The following NOMO1 variants were observed in gnomAD, a reference collection of about 807,000 sequenced individuals.
The protein encoded by NOMO1 is NODAL modulator 1, also known as nodal modulator 3.
NOMO1 carries 40 observed loss-of-function variants against 133.8 expected under a neutral mutation model. The observed-to-expected ratio is 0.30, with a 90% confidence interval of 0.23 to 0.39. The LOEUF (loss-of-function observed/expected upper bound fraction) is 0.39. Among genes scored for constraint, NOMO1 ranks in the 10% least tolerant of loss-of-function variants. The pLI is 1.00. For synonymous variants in NOMO1, 236 were observed against 570.5 expected, an observed-to-expected ratio of 0.41 and a Z score of 8.36; for missense variants, 462 against 1,419.9, an observed-to-expected ratio of 0.33 and a Z score of 10.84.
At chr16:14,850,432 G>A (rs909611292) in intron 6 of NOMO1, among the ~76,000 whole-genome samples, 1 of 151,452 alleles carries the variant, frequency 6.6e-6, no homozygotes, top group South Asian at 2.1e-4. Context: ...AGGTATGTAA[G>A]TGTTCTTTAG....
chr16:14,891,407 T>G (rs1035535461), intron 29 of NOMO1, among the ~76,000 whole-genome samples: 3 of 151,922 alleles, frequency 2.0e-5, no homozygotes, highest in African/African-American at 7.3e-5. Flanking sequence ...TCTTTTCACT[T>G]GGTTTCTGCA....
chr16:14,857,192 C>T, intron 9 of NOMO1, 25 bp from the exon 10 acceptor site: 7 of 1,609,832 alleles, frequency 4.3e-6, no homozygotes, highest in Non-Finnish European at 5.9e-6. Context: ...CTTCGAGCAC[C>T]TTCTTCTTGT....
rs149421716 is a variant in NOMO1, at chr16:14,858,681, C to T, written c.1220+1026C>T. Among the ~76,000 whole-genome samples the T allele has an allele frequency of 3.0e-3, 449 of 152,200 alleles. 2 individuals are homozygous for T. The highest frequency in any genetic ancestry group is 0.01 in the African/African-American group (434 of 41,492). ...CCCATAGCACCTCCTCACACCCCAC[C>T]GGGGCGTAGGGGCTTTCTCCCACTG... On this transcript the variant is annotated intron_variant, in intron 11 of 30. Coordinates refer to ENST00000287667, the MANE Select transcript of NOMO1 (RefSeq NM_014287.4).
chr16:14,840,572 G>C (rs62037556), intron 2 of NOMO1, among the ~76,000 whole-genome samples: 2,074 of 146,582 alleles, frequency 0.014, 27 homozygotes, highest in Non-Finnish European at 0.022. Flanking sequence ...GGGCAACAGA[G>C]CGAGGCTCCA....
At chr16:14,866,251 G>C (rs1205070840) in intron 14 of NOMO1, among the ~76,000 whole-genome samples, 3 of 149,186 alleles carry the variant, frequency 2.0e-5, no homozygotes, top group Admixed American at 6.7e-5. Context: ...GTAGAGATGG[G>C]GTTTTGCTAT....
At chr16:14,894,362 G>C (rs926294311) in intron 29 of NOMO1, among the ~76,000 whole-genome samples, 4 of 152,148 alleles carry the variant, frequency 2.6e-5, no homozygotes, top group Non-Finnish European at 5.9e-5. Context: ...TACCGCTTCT[G>C]TTCCTGTACC....
chr16:14,846,620 T>C lies in NOMO1; in HGVS notation c.446T>C (p.Val149Ala), dbSNP rs1233995502. The change falls in exon 5 of 31, where the codon GTG becomes GCG. Residue 149 changes from valine (V) to alanine (A), a missense_variant. Physicochemically the swap from Val to Ala is moderately conservative, Grantham distance 64. Transcript: ENST00000287667. ...GQPLGPAGVQVSLRNTGTEAK... is the reference protein window; with the variant it reads ...GQPLGPAGVQASLRNTGTEAK... ...CCCCTGGGTCCTGCGGGAGTTCAGG[T>C]GTCTCTGAGAAACACTGGGACCGAA... is the stretch of plus-strand genomic sequence containing the variant. 1.5e-6 allele frequency: 2 copies of C among 1,336,358 alleles called. No individual in the cohort carries two copies. 82.8% of individuals were successfully genotyped at this position (1,336,358 alleles called of 1,614,324 possible).
intron 12 of NOMO1, 101 bp downstream of exon 12, chr16:14,863,288 T>A: frequency 6.6e-7 from 1 of 1,511,362 alleles, no homozygotes; most frequent in Non-Finnish European, 8.8e-7. Context: ...CATTCCAGTT[T>A]CCAACTTCTT....
chr16:14,860,300 A>AG (rs1213273497), intron 11 of NOMO1, among the ~76,000 whole-genome samples: 1 of 149,962 alleles, frequency 6.7e-6, no homozygotes, highest in Non-Finnish European at 1.5e-5. Flanking sequence ...CCCGGGAGGC[A>AG]GGGGTTGCAG....
At chr16:14,861,913 AG>A (rs1963927325) in intron 11 of NOMO1, among the ~76,000 whole-genome samples, 1 of 146,300 alleles carries the variant, frequency 6.8e-6, no homozygotes, top group Non-Finnish European at 1.5e-5. Flanking sequence ...CACAAACGGG[AG>A]GGGGGTCCTT....
Position 14,833,875 on chromosome 16 carries a change from G to A in NOMO1, c.24G>A (p.Gly8=). The part of the protein sequence containing the change: MLVGQGA[G]PLGPAVVTAA... ...CCATGCTGGTGGGCCAGGGCGCGGG[G>A]CCGCTGGGGCCCGCGGTGGTCACCG... The change falls in exon 1 of 31, where the codon GGG becomes GGA. Residue 8 remains glycine, a synonymous_variant. Transcript: ENST00000287667. The A allele has an allele frequency of 3.4e-6, 3 of 872,704 alleles. No homozygotes were observed. Among genetic ancestry groups the A allele is most frequent in the Non-Finnish European group, 4.5e-6 (3 of 660,602 alleles). The allele number at this position is 872,704 out of a possible 1,614,324, so 54.1% of individuals were successfully genotyped here.
intron 22 of NOMO1, among the ~76,000 whole-genome samples, chr16:14,878,075 T>C (rs1450181666): frequency 6.6e-6 from 1 of 151,730 alleles, no homozygotes; most frequent in Non-Finnish European, 1.5e-5. Context: ...GGATAAATTG[T>C]TGAGGAAGAG....
intron 3 of NOMO1, among the ~76,000 whole-genome samples, chr16:14,843,761 A>G (rs1963640737): frequency 7.2e-6 from 1 of 138,252 alleles, no homozygotes; most frequent in Admixed American, 7.4e-5. Flanking sequence ...GCGTGCAAGC[A>G]CGTGTGTAAT....
At chr16:14,880,452 C>T (rs1306040749) in intron 24 of NOMO1, among the ~76,000 whole-genome samples, 3 of 151,888 alleles carry the variant, frequency 2.0e-5, no homozygotes, top group Non-Finnish European at 2.9e-5. Flanking sequence ...AGTACAATGG[C>T]GCAGCCTTGG....
chr16:14,862,523 A>G (rs1963935293), intron 11 of NOMO1: 1 of 166,002 alleles, frequency 6.0e-6, no homozygotes, highest in Non-Finnish European at 1.3e-5. Flanking sequence ...TCATCCATGT[A>G]TTATATATAA....
chr16:14,852,340 GT>G, intron 6 of NOMO1, 89 bp from the exon 7 acceptor site: 1 of 1,524,520 alleles, frequency 6.6e-7, no homozygotes, highest in South Asian at 1.3e-5. Flanking sequence ...ACGTTTCCCA[GT>G]TAATATTTTA....
rs540697477 is a variant in NOMO1 at position 14,881,013 on chromosome 16, G to A, written c.2886-531G>A. Among the ~76,000 whole-genome samples the A allele has an allele frequency of 6.7e-3, 1,009 of 150,740 alleles. 10 individuals carry two copies. The highest frequency in any genetic ancestry group is 0.023 in the African/African-American group (925 of 40,844). ...AGCCTAGGCAACATAGCAAGACCCC[G>A]TCTCTACAAAAAAATAAAAATACAA... is the stretch of plus-strand genomic sequence containing the variant. On this transcript the variant is annotated intron_variant, in intron 24 of 30. Transcript: ENST00000287667.
chr16:14,856,958 G>T (rs1187790202), intron 9 of NOMO1, among the ~76,000 whole-genome samples: 1 of 151,998 alleles, frequency 6.6e-6, no homozygotes, highest in African/African-American at 2.4e-5. Context: ...TTGAGTCAGT[G>T]ACCTTTTAAC....
At chr16:14,839,320 T>A (rs1353461379) in intron 2 of NOMO1, among the ~76,000 whole-genome samples, 1 of 152,116 alleles carries the variant, frequency 6.6e-6, no homozygotes, top group East Asian at 1.9e-4. Flanking sequence ...CCTCCCAAAG[T>A]GCTGGGATTA....
Sources: allele counts gnomAD v4.1 joint callset (sites outside exome capture counted in the v4.1 genomes callset), GRCh38; gene constraint gnomAD v4.1.1; transcripts MANE v1.5; gene names NCBI Gene and HGNC (gene_info 2026-07-23, HGNC 2026-07-21).